Variants in SYT14 observed in about 807,000 individuals in gnomAD.
SYT14 encodes the protein synaptotagmin-14.
Under a neutral mutation model 74.2 loss-of-function variants are expected in SYT14, and 32 were observed. The ratio of observed to expected loss-of-function variants is 0.43; its 90% CI spans 0.33 to 0.58. The LOEUF is 0.58. Among genes scored for constraint, SYT14 ranks in the 20% least tolerant of loss-of-function variants. SYT14 has a pLI of 0.05. For synonymous variants in SYT14, 298 were observed against 337.7 expected (o/e 0.88, Z 1.29); for missense variants, 791 against 981.8 (o/e 0.81, Z 2.60).
chr1:210,130,140 C>T, intron 7 of SYT14, among the ~76,000 whole-genome samples: 1 of 152,202 alleles, frequency 6.6e-6, no homozygotes, highest in Non-Finnish European at 1.5e-5. Context: ...CAAAACTGCT[C>T]AAACTGCAAC....
chr1:209,970,455 T>C (rs915982043), intron 2 of SYT14, among the ~76,000 whole-genome samples: 2 of 152,114 alleles, frequency 1.3e-5, no homozygotes, highest in East Asian at 1.9e-4. Flanking sequence ...GCTGTTCTGG[T>C]TACTATAGCC....
At chr1:210,046,543 A>G (rs113752095) in intron 5 of SYT14, among the ~76,000 whole-genome samples, 34 of 152,274 alleles carry the variant, frequency 2.2e-4, no homozygotes, top group African/African-American at 7.7e-4. Flanking sequence ...TCTCACCCTC[A>G]GTATCAGGCA....
intron 5 of SYT14, among the ~76,000 whole-genome samples, chr1:210,055,549 G>A (rs183213984): frequency 1.4e-4 from 22 of 152,042 alleles, no homozygotes; most frequent in African/African-American, 4.1e-4. Flanking sequence ...AGACACGGTG[G>A]CTCATGCCTA....
chr1:210,152,246 A>G (rs1291303807), intron 7 of SYT14, among the ~76,000 whole-genome samples: 2 of 152,200 alleles, frequency 1.3e-5, no homozygotes, highest in East Asian at 1.9e-4. Context: ...ACAGTTAAAA[A>G]TAGGAGATTT....
intron 2 of SYT14, among the ~76,000 whole-genome samples, chr1:209,988,468 C>T (rs1190912214): frequency 6.6e-6 from 1 of 152,080 alleles, no homozygotes; most frequent in Non-Finnish European, 1.5e-5. Context: ...TGCTTCTTTG[C>T]ATACCTGATA....
At chr1:209,966,269 G>A (rs948641560) in intron 2 of SYT14, among the ~76,000 whole-genome samples, 9 of 152,094 alleles carry the variant, frequency 5.9e-5, no homozygotes, top group Non-Finnish European at 8.8e-5. Flanking sequence ...TTCTTGAAGT[G>A]CAAGTCTATA....
chr1:209,983,828 A>G (rs2079529134), intron 2 of SYT14, among the ~76,000 whole-genome samples: 1 of 152,228 alleles, frequency 6.6e-6, no homozygotes, highest in Admixed American at 6.5e-5. Flanking sequence ...CTATTGTGGT[A>G]AGTAGAAATG....
intron 2 of SYT14, among the ~76,000 whole-genome samples, chr1:209,996,060 C>G (rs759406425): frequency 3.3e-5 from 5 of 151,758 alleles, no homozygotes; most frequent in African/African-American, 4.8e-5. Flanking sequence ...ACCCTTGCAC[C>G]TAAAGGAACT....
At chr1:209,988,122 T>G (rs2079602683) in intron 2 of SYT14, among the ~76,000 whole-genome samples, 1 of 152,336 alleles carries the variant, frequency 6.6e-6, no homozygotes, top group Non-Finnish European at 1.5e-5. Context: ...TTCCACAATT[T>G]ACTGATTATT....
intron 1 of SYT14, among the ~76,000 whole-genome samples, chr1:209,941,081 T>C (rs1481161566): frequency 1.3e-5 from 2 of 152,216 alleles, no homozygotes; most frequent in African/African-American, 2.4e-5. Context: ...CATACTCTTA[T>C]TAGCTATGGC....
intron 7 of SYT14, among the ~76,000 whole-genome samples, chr1:210,141,046 C>CA (rs36006017): frequency 0.038 from 3,694 of 97,014 alleles, 106 homozygotes; most frequent in African/African-American, 0.079. Context: ...TTTGTTTCTG[C>CA]AAAAAAAAAA....
chr1:210,098,406 CTA>C (rs1488881917), intron 6 of SYT14, among the ~76,000 whole-genome samples: 2 of 152,256 alleles, frequency 1.3e-5, no homozygotes, highest in Admixed American at 6.5e-5. Context: ...GGGCTTTGCT[CTA>C]TGAGATTATT....
chr1:210,021,155 G>T (rs1201786694), exon 5 of SYT14: 1 of 1,614,064 alleles, frequency 6.2e-7, no homozygotes, highest in South Asian at 1.1e-5. Context: ...ACCACTGGCA[G>T]ATTCTAGACA....
chr1:210,046,544 G>T (rs1471777055), intron 5 of SYT14, among the ~76,000 whole-genome samples: 2 of 152,044 alleles, frequency 1.3e-5, no homozygotes, highest in African/African-American at 4.8e-5. Context: ...CTCACCCTCA[G>T]TATCAGGCAA....
chr1:209,953,191 A>T (rs1487024037), intron 2 of SYT14: 1 of 1,287,644 alleles, frequency 7.8e-7, no homozygotes, highest in African/African-American at 1.5e-5. Context: ...TGACACCAAC[A>T]ACTGTCTATG....
intron 7 of SYT14, among the ~76,000 whole-genome samples, chr1:210,106,855 T>C (rs2102565468): frequency 6.6e-6 from 1 of 152,136 alleles, no homozygotes; most frequent in East Asian, 1.9e-4. Flanking sequence ...CCCAAAGTCT[T>C]AACTCATTCT....
chr1:209,960,597 G>A (rs1251841942), intron 2 of SYT14, among the ~76,000 whole-genome samples: 2 of 152,020 alleles, frequency 1.3e-5, no homozygotes, highest in Non-Finnish European at 2.9e-5. Flanking sequence ...AGATTGTCTT[G>A]AAGCTAGGTT....
exon 10 of SYT14, chr1:210,162,586 A>G: frequency 2.8e-6 from 1 of 354,454 alleles, no homozygotes; most frequent in Non-Finnish European, 5.4e-6. Flanking sequence ...ACAAAAACAT[A>G]CTATTTACCA....
At chr1:210,072,932 A>G (rs1421686807) in intron 5 of SYT14, among the ~76,000 whole-genome samples, 3 of 151,846 alleles carry the variant, frequency 2.0e-5, no homozygotes, top group African/African-American at 7.2e-5. Context: ...TTTCCATTAG[A>G]GAATTATGAT....
Sources: gnomAD v4.1 joint callset for allele counts (sites outside exome capture counted in the v4.1 genomes callset) on GRCh38, gnomAD v4.1.1 for gene constraint, MANE v1.5 for transcripts, NCBI Gene and HGNC (gene_info 2026-07-23, HGNC 2026-07-21) for gene names.